The following SLC20A1 variants were observed in gnomAD, a reference collection of about 807,000 sequenced individuals.
SLC20A1 encodes solute carrier family 20 member 1.
SLC20A1 carries 28 observed loss-of-function variants against 62.7 expected under a neutral mutation model. That is an observed-to-expected ratio of 0.45 (90% CI 0.33 to 0.61). The LOEUF is 0.61. Ranked by LOEUF, SLC20A1 falls within the 20% of genes least tolerant of loss-of-function variation. The pLI is 0.02. For missense variants in SLC20A1, 673 were observed against 838.6 expected (o/e 0.80, Z 2.44); for synonymous variants, 305 against 302.9 (o/e 1.01, Z -0.07).
chr2:112,646,862 ACCG>A lies in SLC20A1; in HGVS notation c.39_41del (p.Ala14del). ...GCTGATTACCAGTACTACAGCTGCT[ACCG>A]CCGCTTCTGGTCCTTTGGTGGACTA... is the stretch of plus-strand genomic sequence containing the variant. On this transcript the variant is annotated inframe_deletion, in exon 2 of 11. Transcript: ENST00000272542. 6.2e-7 allele frequency: 1 copy of A among 1,613,308 alleles called. No individual in the cohort carries two copies. Among genetic ancestry groups the A allele is most frequent in the Non-Finnish European group, 8.5e-7 (1 of 1,179,454 alleles).
Position 112,647,718 on chromosome 2 carries a change from C to G in SLC20A1, c.541C>G (p.Arg181Gly), listed in dbSNP as rs766187428. 2.5e-6 allele frequency: 4 copies of G among 1,613,912 alleles called. No homozygotes were observed. The East Asian group carries it at 8.9e-5, about 36-fold the overall frequency. The change falls in exon 4 of 11, where the codon CGT becomes GGT. Residue 181 changes from arginine to glycine, a missense_variant. Arg to Gly is a moderately radical substitution (Grantham distance 125). Coordinates refer to ENST00000272542, the MANE Select transcript of SLC20A1 (RefSeq NM_005415.5). ...GTCTGGAATTTTATTCTTCCTGGTT[C>G]GTGCATTCATCCTCCATAAGGTAAC... ...IMSGILFFLV[R>G]AFILHKADPV...
rs1686301384 is a variant in SLC20A1, at chr2:112,647,028, G to A, written c.200G>A (p.Ser67Asn). The A allele has an allele frequency of 6.2e-7, 1 of 1,614,066 alleles. No homozygotes were observed. Among genetic ancestry groups the A allele is most frequent in the African/African-American group, 1.3e-5 (1 of 74,902 alleles). The change falls in exon 2 of 11, where the codon AGC (serine) becomes AAC (asparagine). Residue 67 changes from serine (S) to asparagine (N), a missense_variant. Physicochemically the swap from Ser to Asn is conservative, Grantham distance 46. Transcript: ENST00000272542. ...VTLKQACILASIFETVGSVLL... is the reference protein window; with the variant it reads ...VTLKQACILANIFETVGSVLL... ...CTGAAGCAAGCCTGCATCCTAGCTAGCATCTTTGAAACAGTGGGCTCTGTC... is the reference window on the plus strand; with the variant it reads ...CTGAAGCAAGCCTGCATCCTAGCTAACATCTTTGAAACAGTGGGCTCTGTC...
rs757036701 is a variant in SLC20A1, at chr2:112,659,047, C to G, written c.1001C>G (p.Pro334Arg). 3.7e-6 allele frequency: 6 copies of G among 1,614,112 alleles called. No individual in the cohort carries two copies. The South Asian group carries it at 6.6e-5, about 18-fold the overall frequency. Reference sequence around the variant, plus strand: ...GAAGCTCCAGAGAGAGAGAGGCTTCCCAGCGTGGACTTGAAAGAGGAAACC... The same window carrying G: ...GAAGCTCCAGAGAGAGAGAGGCTTCGCAGCGTGGACTTGAAAGAGGAAACC... ...LEEAPERERLPSVDLKEETSI... is the reference protein window; with the variant it reads ...LEEAPERERLRSVDLKEETSI... The change falls in exon 7 of 11, where the codon CCC (proline) becomes CGC (arginine). Residue 334 changes from proline to arginine, a missense_variant. Physicochemically the swap from Pro to Arg is moderately radical, Grantham distance 103 (BLOSUM62 -2). Coordinates refer to ENST00000272542, the MANE Select transcript of SLC20A1 (RefSeq NM_005415.5).
intron 4 of SLC20A1, among the ~76,000 whole-genome samples, chr2:112,648,626 T>G (rs1322843949): frequency 6.6e-6 from 1 of 152,264 alleles, no homozygotes; most frequent in South Asian, 2.1e-4. Context: ...GATTTGTCTC[T>G]TCTCTGTAGA....
chr2:112,661,725 T>C (rs1042014490), intron 10 of SLC20A1, among the ~76,000 whole-genome samples: 3 of 152,118 alleles, frequency 2.0e-5, no homozygotes, highest in Non-Finnish European at 4.4e-5. Flanking sequence ...ATTTTTGTAT[T>C]TTTAGTAGAC....
At chr2:112,653,067 C>T (rs970172636) in intron 5 of SLC20A1, 1 of 678,840 alleles carries the variant, frequency 1.5e-6, no homozygotes, top group Non-Finnish European at 2.4e-6. Context: ...CATCTCCTTC[C>T]CTTTCTCCTG....
At position 112,661,199 on chromosome 2, in the gene SLC20A1, C is replaced by T. The variant is rs746079710; in HGVS notation, c.1851C>T (p.Gly617=). The T allele has an allele frequency of 1.5e-5, 24 of 1,613,582 alleles. No individual in the cohort carries two copies. The highest frequency in any genetic ancestry group is 1.9e-5 in the Non-Finnish European group (23 of 1,179,634). Residue 617 remains glycine (G), a synonymous_variant, in exon 10 of 11, where the codon GGC becomes GGT. Coordinates refer to ENST00000272542, the MANE Select transcript of SLC20A1 (RefSeq NM_005415.5). The part of the protein sequence containing the change: ...ALTVVIASNI[G]LPISTTHCKV... The stretch of plus-strand genomic sequence containing the variant: ...CTGTGGTGATTGCATCAAATATTGG[C>T]CTTCCCATCAGTACAACACATTGTA...
At chr2:112,655,520 TG>T (rs1474000016) in intron 5 of SLC20A1, among the ~76,000 whole-genome samples, 2 of 50,934 alleles carry the variant, frequency 3.9e-5, no homozygotes, top group African/African-American at 1.2e-4. Context: ...ATATCTTTTA[TG>T]GGTTTTTTTT....
At chr2:112,655,191 A>G (rs942300052) in intron 5 of SLC20A1, among the ~76,000 whole-genome samples, 1 of 150,786 alleles carries the variant, frequency 6.6e-6, no homozygotes, top group African/African-American at 2.4e-5. Flanking sequence ...CTGGTCTTGA[A>G]CTCCCAACCT....
rs935537199 is a variant in SLC20A1 at position 112,657,227 on chromosome 2, A to G, written c.764A>G (p.Lys255Arg). ...TGGTTCTTTGTATGTCCCAGGATGA[A>G]GAGAAAAATTGAACGTAAGTAATAA... ...IVWFFVCPRM[K>R]RKIEREIKCS... The change falls in exon 6 of 11, where the codon AAG becomes AGG. Residue 255 changes from lysine to arginine, a missense_variant. Lys to Arg is a conservative substitution (Grantham distance 26). Coordinates refer to ENST00000272542, the MANE Select transcript of SLC20A1 (RefSeq NM_005415.5). The G allele has an allele frequency of 1.9e-6, 3 of 1,613,632 alleles. No individual in the cohort carries two copies. Among genetic ancestry groups the G allele is most frequent in the Non-Finnish European group, 2.5e-6 (3 of 1,179,872 alleles).
rs1287163637 is a variant in SLC20A1 at position 112,647,422 on chromosome 2, A to G, written c.433A>G (p.Lys145Glu). The G allele has an allele frequency of 6.2e-6, 10 of 1,613,946 alleles. No homozygotes were observed. Among genetic ancestry groups the G allele is most frequent in the Non-Finnish European group, 8.5e-6 (10 of 1,179,982 alleles). Residue 145 changes from lysine to glutamate, a missense_variant, in exon 3 of 11, where the codon AAG becomes GAG. Physicochemically the swap from Lys to Glu is moderately conservative, Grantham distance 56. Transcript: ENST00000272542. ...GATIGFSLVA[K>E]GQEGVKWSEL... Reference sequence around the variant, plus strand: ...AACTATTGGTTTCTCCCTCGTGGCAAAGGGGCAGGAGGGTGTCAAGTGGTC... The same window carrying G: ...AACTATTGGTTTCTCCCTCGTGGCAGAGGGGCAGGAGGGTGTCAAGTGGTC...
At position 112,647,719 on chromosome 2, in the gene SLC20A1, G is replaced by A. The variant is rs1451742197; in HGVS notation, c.542G>A (p.Arg181His). The A allele has an allele frequency of 3.7e-6, 6 of 1,613,650 alleles. No homozygotes were observed. The African/African-American group carries it at 4.0e-5, about 11-fold the overall frequency. The stretch of plus-strand genomic sequence containing the variant: ...TCTGGAATTTTATTCTTCCTGGTTC[G>A]TGCATTCATCCTCCATAAGGTAACC... ...IMSGILFFLV[R>H]AFILHKADPV... The change falls in exon 4 of 11, where the codon CGT becomes CAT. Residue 181 changes from arginine to histidine, a missense_variant. Transcript: ENST00000272542.
Position 112,660,394 on chromosome 2 carries a change from A to G in SLC20A1, c.1615A>G (p.Ile539Val), listed in dbSNP as rs1231857122. 1.2e-6 allele frequency: 2 copies of G among 1,613,872 alleles called. No homozygotes were observed. The highest frequency in any genetic ancestry group is 1.3e-5 in the African/African-American group (1 of 75,012). ...AHGGNDVSNA[I>V]GPLVALYLVY... Reference sequence around the variant, plus strand: ...CCTCTTTGTTTCTTCCAGCAATGCCATTGGGCCTCTGGTTGCTTTATATTT... The same window carrying G: ...CCTCTTTGTTTCTTCCAGCAATGCCGTTGGGCCTCTGGTTGCTTTATATTT... The change falls in exon 9 of 11, where the codon ATT (isoleucine) becomes GTT (valine). Residue 539 changes from isoleucine to valine, a missense_variant. Transcript: ENST00000272542.
Position 112,659,441 on chromosome 2 carries a change from C to T in SLC20A1, c.1286C>T (p.Pro429Leu). 1.2e-6 allele frequency: 2 copies of T among 1,614,176 alleles called. No individual in the cohort carries two copies. The highest frequency in any genetic ancestry group is 1.7e-6 in the Non-Finnish European group (2 of 1,180,030). The stretch of plus-strand genomic sequence containing the variant: ...TATACCATGGCAATATGTGGCATGC[C>T]TCTGGATTCATTCCGTGCCAAAGAA... ...TSYTMAICGM[P>L]LDSFRAKEGE... Residue 429 changes from proline to leucine, a missense_variant, in exon 8 of 11, where the codon CCT becomes CTT. Physicochemically the swap from Pro to Leu is moderately conservative, Grantham distance 98 (BLOSUM62 -3). Coordinates refer to ENST00000272542, the MANE Select transcript of SLC20A1 (RefSeq NM_005415.5).
At chr2:112,654,584 G>T (rs1320784880) in intron 5 of SLC20A1, among the ~76,000 whole-genome samples, 1 of 152,118 alleles carries the variant, frequency 6.6e-6, no homozygotes, top group Non-Finnish European at 1.5e-5. Flanking sequence ...AAAATGAAAA[G>T]ATACATAGTC....
At chr2:112,650,111 A>C (rs1320576253) in intron 4 of SLC20A1, among the ~76,000 whole-genome samples, 2 of 152,308 alleles carry the variant, frequency 1.3e-5, no homozygotes, top group Non-Finnish European at 2.9e-5. Context: ...CTTTGCGTAG[A>C]GAATACCTCA....
At chr2:112,646,351 G>T (rs367923310) in intron 1 of SLC20A1, among the ~76,000 whole-genome samples, 4 of 151,900 alleles carry the variant, frequency 2.6e-5, no homozygotes, top group African/African-American at 9.7e-5. Context: ...GAGGGCGCGC[G>T]CGGGCTGGCA....
chr2:112,659,078 A>G lies in SLC20A1; in HGVS notation c.1032A>G (p.Ile344Met), dbSNP rs1470904653. 6.8e-6 allele frequency: 11 copies of G among 1,613,570 alleles called. No individual in the cohort carries two copies. The highest frequency in any genetic ancestry group is 9.3e-6 in the Non-Finnish European group (11 of 1,179,728). Residue 344 changes from isoleucine to methionine, a missense_variant, in exon 7 of 11, where the codon ATA (isoleucine) becomes ATG (methionine). By Grantham distance (10) the Ile-to-Met change is conservative. Coordinates refer to ENST00000272542, the MANE Select transcript of SLC20A1 (RefSeq NM_005415.5). ...PSVDLKEETSIDSTVNGAVQL... is the reference protein window; with the variant it reads ...PSVDLKEETSMDSTVNGAVQL... ...TGGACTTGAAAGAGGAAACCAGCAT[A>G]GATAGCACCGTGAATGGTGAGTTGG...
chr2:112,661,033 GT>G (rs1443305849), intron 9 of SLC20A1, 108 bp from the exon 10 acceptor site: 2 of 732,874 alleles, frequency 2.7e-6, no homozygotes, highest in Admixed American at 4.1e-5. Context: ...GTCAGTGGAG[GT>G]TTTGTGACTG....
Sources: gnomAD v4.1 joint callset for allele counts (sites outside exome capture counted in the v4.1 genomes callset) on GRCh38, gnomAD v4.1.1 for gene constraint, MANE v1.5 for transcripts, NCBI Gene and HGNC (gene_info 2026-07-23, HGNC 2026-07-21) for gene names.